Variants in GNA14 observed in about 807,000 individuals in gnomAD.
GNA14 encodes G protein subunit alpha 14, also known as guanine nucleotide-binding protein subunit alpha-14.
In GNA14, 50 loss-of-function variants were observed where a neutral mutation model predicts 42.0. The ratio of observed to expected loss-of-function variants is 1.19; its 90% CI spans 0.95 to 1.51. GNA14 has a LOEUF of 1.51. Ranked by LOEUF, GNA14 falls within the 40% of genes most tolerant of loss-of-function variation. The pLI is 0.00. For missense variants in GNA14, 473 were observed against 446.2 expected, an observed-to-expected ratio of 1.06 and a Z score of -0.54; for synonymous variants, 173 against 163.1, an observed-to-expected ratio of 1.06 and a Z score of -0.46.
In GNA14 at chr9:77,456,054, A is replaced by T. The variant is rs537745365; in HGVS notation, c.310-21532T>A. 9.8e-5 allele frequency among the ~76,000 whole-genome samples: 15 copies of T among 152,310 alleles called. No homozygotes were observed. In the East Asian group the frequency reaches 2.3e-3, roughly 24 times the overall value. ...TGAAATAAAATAATAATAATAGCTA[A>T]TCTAAACTGAGCCATTATTGTGACC... is the stretch of plus-strand genomic sequence containing the variant. On this transcript the variant is annotated intron_variant, in intron 2 of 6. Coordinates refer to ENST00000341700, the MANE Select transcript of GNA14 (RefSeq NM_004297.4).
intron 1 of GNA14, among the ~76,000 whole-genome samples, chr9:77,594,969 T>TG (rs1273670462): frequency 1.3e-5 from 2 of 152,180 alleles, no homozygotes; most frequent in Non-Finnish European, 1.5e-5. Flanking sequence ...GTGTAAAATG[T>TG]GGGGAATTAA....
At chr9:77,589,284 A>C (rs1386013074) in intron 1 of GNA14, among the ~76,000 whole-genome samples, 1 of 152,202 alleles carries the variant, frequency 6.6e-6, no homozygotes, top group Non-Finnish European at 1.5e-5. Flanking sequence ...GAGCCTCTTA[A>C]GGAGGAAGCT....
chr9:77,521,301 C>G (rs772312570), intron 2 of GNA14, among the ~76,000 whole-genome samples: 1 of 152,104 alleles, frequency 6.6e-6, no homozygotes. Context: ...CCTTGGGCTA[C>G]GGCCAAAGTT....
chr9:77,621,548 A>T (rs1478593540), intron 1 of GNA14, among the ~76,000 whole-genome samples: 5 of 151,942 alleles, frequency 3.3e-5, no homozygotes, highest in Non-Finnish European at 5.9e-5. Flanking sequence ...GGCTTACGTA[A>T]AACAAACCAA....
intron 1 of GNA14, among the ~76,000 whole-genome samples, chr9:77,542,828 C>T (rs1837676955): frequency 6.6e-6 from 1 of 152,164 alleles, no homozygotes; most frequent in African/African-American, 2.4e-5. Context: ...TGATCCCAGG[C>T]CCCTGATGGC....
At chr9:77,614,029 T>G (rs1040406776) in intron 1 of GNA14, among the ~76,000 whole-genome samples, 2 of 152,248 alleles carry the variant, frequency 1.3e-5, no homozygotes, top group Admixed American at 6.5e-5. Flanking sequence ...TATGCTGGGC[T>G]CTGTTGCAGT....
intron 1 of GNA14, among the ~76,000 whole-genome samples, chr9:77,644,611 G>A (rs1824326424): frequency 6.6e-6 from 1 of 152,122 alleles, no homozygotes; most frequent in Non-Finnish European, 1.5e-5. Flanking sequence ...CCATAACTGT[G>A]AGAAAATTAA....
At chr9:77,606,490 A>C (rs999922155) in intron 1 of GNA14, among the ~76,000 whole-genome samples, 1 of 152,204 alleles carries the variant, frequency 6.6e-6, no homozygotes, top group Non-Finnish European at 1.5e-5. Flanking sequence ...CTCTCTTTTC[A>C]GGAAGTGAAT....
intron 1 of GNA14, among the ~76,000 whole-genome samples, chr9:77,595,639 A>G (rs1447275697): frequency 6.6e-6 from 1 of 152,148 alleles, no homozygotes; most frequent in Admixed American, 6.5e-5. Flanking sequence ...TGATTATAAA[A>G]CATTGCGCTT....
At chr9:77,615,718 C>G (rs1330767146) in intron 1 of GNA14, among the ~76,000 whole-genome samples, 1 of 130,640 alleles carries the variant, frequency 7.7e-6, no homozygotes, top group African/African-American at 2.8e-5. Flanking sequence ...CACACACACA[C>G]ACACACACAC....
intron 1 of GNA14, among the ~76,000 whole-genome samples, chr9:77,620,775 G>A (rs767184457): frequency 3.7e-4 from 55 of 148,818 alleles, no homozygotes; most frequent in Admixed American, 4.7e-4. Flanking sequence ...TTGAACGCGC[G>A]AGGTGGAGGT....
chr9:77,532,137 G>T (rs1837538686), intron 1 of GNA14, among the ~76,000 whole-genome samples: 1 of 151,980 alleles, frequency 6.6e-6, no homozygotes. Context: ...TTTTCCAGAA[G>T]GGAAATGGAA....
chr9:77,481,016 T>G (rs562890474), intron 2 of GNA14, among the ~76,000 whole-genome samples: 19 of 152,232 alleles, frequency 1.2e-4, no homozygotes, highest in African/African-American at 4.6e-4. Flanking sequence ...GATTCATTAA[T>G]TTTTTGAAGG....
At chr9:77,621,495 T>G (rs1823921056) in intron 1 of GNA14, among the ~76,000 whole-genome samples, 1 of 152,238 alleles carries the variant, frequency 6.6e-6, no homozygotes, top group Admixed American at 6.5e-5. Context: ...AGACCATGCC[T>G]AATTGATAGA....
Position 77,428,071 on chromosome 9 carries a change from C to CTTTTTTTTTT in GNA14, c.723+826_723+835dup, listed in dbSNP as rs1182913068. 2.1e-4 allele frequency among the ~76,000 whole-genome samples: 27 copies of CTTTTTTTTTT among 130,680 alleles called. 1 individual carries two copies. In the East Asian group the frequency reaches 2.7e-3, roughly 13 times the overall value. 85.7% of individuals were successfully genotyped at this position (130,680 alleles called of 152,430 possible). ...TTCAGTCCAAGAGATGGCATTTTTT[C>CTTTTTTTTTT]TTTTTTTTTTTCTTTTTTTTTTTTT... On this transcript the variant is annotated intron_variant, in intron 5 of 6. Coordinates refer to ENST00000341700, the MANE Select transcript of GNA14 (RefSeq NM_004297.4).
At chr9:77,595,813 A>G (rs1407719465) in intron 1 of GNA14, among the ~76,000 whole-genome samples, 3 of 152,158 alleles carry the variant, frequency 2.0e-5, no homozygotes, top group Non-Finnish European at 4.4e-5. Context: ...AGAGAGAGAG[A>G]TAAGACGCAC....
At chr9:77,463,433 C>G (rs1836153475) in intron 2 of GNA14, among the ~76,000 whole-genome samples, 1 of 152,220 alleles carries the variant, frequency 6.6e-6, no homozygotes, top group Non-Finnish European at 1.5e-5. Context: ...GTGGACCAGT[C>G]AGTTCTCAGA....
chr9:77,598,397 A>AGAGATTAG lies in GNA14; in HGVS notation c.124+49272_124+49273insCTAATCTC, dbSNP rs1342159185. On this transcript the variant is annotated intron_variant, in intron 1 of 6. Transcript: ENST00000341700. ...CCCATGAAGACTTCTCTAATCACCA[A>AGAGATTAG]AGTCTGCAGTGATTTCTGACCCCTC... Among the ~76,000 whole-genome samples, 4 of 152,058 alleles carry AGAGATTAG rather than the reference A, an allele frequency of 2.6e-5. No individual in the cohort carries two copies. The East Asian group carries it at 7.7e-4, about 29-fold the overall frequency.
At chr9:77,516,783 G>A (rs1168760795) in intron 2 of GNA14, among the ~76,000 whole-genome samples, 1 of 152,184 alleles carries the variant, frequency 6.6e-6, no homozygotes, top group African/African-American at 2.4e-5. Flanking sequence ...TGGCATGGGG[G>A]TTAGGAAGGA....
Sources: allele counts gnomAD v4.1 joint callset (sites outside exome capture counted in the v4.1 genomes callset), GRCh38; gene constraint gnomAD v4.1.1; transcripts MANE v1.5; gene names NCBI Gene and HGNC (gene_info 2026-07-23, HGNC 2026-07-21).